The following SPPL3 variants were observed in gnomAD, a reference collection of about 807,000 sequenced individuals.
SPPL3 encodes the protein signal peptide peptidase like 3.
Under a neutral mutation model 42.4 loss-of-function variants are expected in SPPL3, and 5 were observed. The ratio of observed to expected loss-of-function variants is 0.12; its 90% CI spans 0.06 to 0.25. SPPL3 has a LOEUF of 0.25. Among genes scored for constraint, SPPL3 ranks in the 10% least tolerant of loss-of-function variants. The pLI, the probability that SPPL3 is intolerant of heterozygous loss-of-function variation, is 1.00. For synonymous variants in SPPL3, 195 were observed against 181.8 expected, an observed-to-expected ratio of 1.07 and a Z score of -0.58; for missense variants, 235 against 489.0, an observed-to-expected ratio of 0.48 and a Z score of 4.90.
intron 1 of SPPL3, among the ~76,000 whole-genome samples, chr12:120,896,131 C>T (rs1200369885): frequency 6.6e-6 from 1 of 152,092 alleles, no homozygotes; most frequent in Non-Finnish European, 1.5e-5. Context: ...AGGGAATACC[C>T]TACAAACCAA....
chr12:120,879,238 A>G (rs1873209152), intron 1 of SPPL3, among the ~76,000 whole-genome samples: 1 of 152,066 alleles, frequency 6.6e-6, no homozygotes, highest in South Asian at 2.1e-4. Flanking sequence ...GGAAAAGCAC[A>G]TTACTTTTGA....
chr12:120,768,305 G>A lies in SPPL3; in HGVS notation c.773+20C>T. ...AGGCACAGGAAGACAGTGTGGTCCT[G>A]TCATAGCATGAGGTCTTACCTTGGG... On this transcript the variant is annotated intron_variant, in intron 8 of 10. Coordinates refer to ENST00000353487, the MANE Select transcript of SPPL3 (RefSeq NM_139015.5). 1 of 1,605,916 alleles carries A rather than the reference G, an allele frequency of 6.2e-7. No homozygotes were observed. The highest frequency in any genetic ancestry group is 8.5e-7 in the Non-Finnish European group (1 of 1,174,854).
intron 1 of SPPL3, among the ~76,000 whole-genome samples, chr12:120,897,053 T>C (rs779083135): frequency 2.5e-4 from 38 of 152,334 alleles, no homozygotes; most frequent in African/African-American, 6.7e-4. Context: ...TTTCACGAGA[T>C]GGTTTGATAA....
intron 1 of SPPL3, among the ~76,000 whole-genome samples, chr12:120,862,479 A>G (rs928406142): frequency 1.3e-5 from 2 of 152,208 alleles, no homozygotes; most frequent in Non-Finnish European, 2.9e-5. Flanking sequence ...GGTTTCCACA[A>G]TCCCTTTCTC....
chr12:120,788,759 G>C (rs1294501847), intron 3 of SPPL3, among the ~76,000 whole-genome samples: 1 of 152,124 alleles, frequency 6.6e-6, no homozygotes, highest in Non-Finnish European at 1.5e-5. Flanking sequence ...CAATCAGTCT[G>C]AAACACTCCT....
At chr12:120,768,209 T>G in intron 8 of SPPL3, 116 bp downstream of exon 8, 1 of 1,273,850 alleles carries the variant, frequency 7.9e-7, no homozygotes, top group Non-Finnish European at 1.1e-6. Flanking sequence ...TTCTGCAGCA[T>G]GGAGATAATG....
chr12:120,779,173 TA>T (rs1344905062), intron 6 of SPPL3, among the ~76,000 whole-genome samples: 12 of 152,230 alleles, frequency 7.9e-5, no homozygotes, highest in Non-Finnish European at 1.5e-4. Context: ...ATATATAGCC[TA>T]TAAGATCAGT....
intron 3 of SPPL3, among the ~76,000 whole-genome samples, chr12:120,787,113 T>A (rs1869747636): frequency 1.3e-5 from 2 of 152,318 alleles, no homozygotes; most frequent in South Asian, 4.1e-4. Context: ...CACCTCCCTG[T>A]AAGAACGATG....
chr12:120,858,374 T>G (rs1872525055), intron 1 of SPPL3, among the ~76,000 whole-genome samples: 1 of 151,590 alleles, frequency 6.6e-6, no homozygotes, highest in African/African-American at 2.4e-5. Context: ...GCAGGACGCT[T>G]GAACCCGGGA....
chr12:120,893,366 C>A (rs371605798), intron 1 of SPPL3, among the ~76,000 whole-genome samples: 4 of 151,986 alleles, frequency 2.6e-5, no homozygotes, highest in African/African-American at 9.7e-5. Context: ...AGGAGAATGG[C>A]GTGAAAAAAA....
intron 1 of SPPL3, among the ~76,000 whole-genome samples, chr12:120,887,882 G>T (rs1873511798): frequency 6.6e-6 from 1 of 152,186 alleles, no homozygotes; most frequent in Admixed American, 6.5e-5. Context: ...AAGACGTGGA[G>T]AAATTAGAAT....
At chr12:120,845,043 G>A in intron 1 of SPPL3, 1 of 262,196 alleles carries the variant, frequency 3.8e-6, no homozygotes, top group Non-Finnish European at 7.9e-6. Context: ...CACTCACACT[G>A]GAGCCAAGTG....
chr12:120,845,318 C>T (rs1426930524), intron 1 of SPPL3: 3 of 345,666 alleles, frequency 8.7e-6, no homozygotes, highest in African/African-American at 2.2e-5. Context: ...AGCTCGTCCT[C>T]GGCCAGCATC....
At chr12:120,823,458 G>A (rs183781196) in intron 1 of SPPL3, among the ~76,000 whole-genome samples, 2 of 151,976 alleles carry the variant, frequency 1.3e-5, no homozygotes, top group East Asian at 1.9e-4. Context: ...TGATATCCCC[G>A]CTCCCCTTGC....
At chr12:120,894,781 A>G (rs1873749761) in intron 1 of SPPL3, among the ~76,000 whole-genome samples, 1 of 152,094 alleles carries the variant, frequency 6.6e-6, no homozygotes, top group Non-Finnish European at 1.5e-5. Context: ...CCCCGTCTCT[A>G]CTAAAAATAC....
chr12:120,844,380 T>G (rs1017752895), intron 1 of SPPL3, among the ~76,000 whole-genome samples: 3 of 152,176 alleles, frequency 2.0e-5, no homozygotes, highest in Admixed American at 1.3e-4. Context: ...TCTCCTTCGC[T>G]CAACCCACAC....
At chr12:120,865,053 G>A (rs181767686) in intron 1 of SPPL3, among the ~76,000 whole-genome samples, 16 of 152,264 alleles carry the variant, frequency 1.1e-4, no homozygotes, top group Admixed American at 1.0e-3. Flanking sequence ...ACTATATAAA[G>A]GTTTGACCTT....
intron 1 of SPPL3, among the ~76,000 whole-genome samples, chr12:120,865,428 G>C (rs1410369671): frequency 6.6e-6 from 1 of 152,212 alleles, no homozygotes; most frequent in Non-Finnish European, 1.5e-5. Flanking sequence ...CTTACTGGCT[G>C]TAAGGCCTTG....
At chr12:120,767,661 A>G in intron 8 of SPPL3, 68 bp from the exon 9 acceptor site, 1 of 1,541,982 alleles carries the variant, frequency 6.5e-7, no homozygotes, top group South Asian at 1.1e-5. Context: ...TTTTGTGCAA[A>G]GTTTGTTAGC....
Sources: allele counts gnomAD v4.1 joint callset (sites outside exome capture counted in the v4.1 genomes callset), GRCh38; gene constraint gnomAD v4.1.1; transcripts MANE v1.5; gene names NCBI Gene and HGNC (gene_info 2026-07-23, HGNC 2026-07-21).